The following NUP155 variants were observed in gnomAD, a reference collection of about 807,000 sequenced individuals.
The protein encoded by NUP155 is nucleoporin 155.
In NUP155, 71 loss-of-function variants were observed where a neutral mutation model predicts 180.4. The observed-to-expected ratio is 0.39, with a 90% CI of 0.33 to 0.48. The LOEUF is 0.48. Ranked by LOEUF, NUP155 falls within the 20% of genes least tolerant of loss-of-function variation. The pLI, the probability that NUP155 is intolerant of heterozygous loss-of-function variation, is 0.91. For missense variants in NUP155, 1,553 were observed against 1,648.9 expected (o/e 0.94, Z 1.01); for synonymous variants, 582 against 559.5 (o/e 1.04, Z -0.57).
intron 34 of NUP155, among the ~76,000 whole-genome samples, chr5:37,292,408 G>A (rs1193388160): frequency 1.3e-5 from 2 of 151,964 alleles, no homozygotes; most frequent in Admixed American, 6.6e-5. Flanking sequence ...AGTAGAGATG[G>A]GGTTTCACGT....
rs944738214 is a variant in NUP155 at position 37,335,397 on chromosome 5, A to G, written c.1348-1764T>C. On this transcript the variant is annotated intron_variant, in intron 12 of 34. Coordinates refer to ENST00000231498, the MANE Select transcript of NUP155 (RefSeq NM_153485.3). Reference sequence around the variant, plus strand: ...CTGTCTCAGAAAAAAAAAAAAAAAAAGTATTTTAATCTTCTAAAATACTTT... The same window carrying G: ...CTGTCTCAGAAAAAAAAAAAAAAAAGGTATTTTAATCTTCTAAAATACTTT... 3.5e-5 allele frequency among the ~76,000 whole-genome samples: 5 copies of G among 144,876 alleles called. No individual in the cohort carries two copies. In the East Asian group the frequency reaches 1.0e-3, roughly 30 times the overall value.
chr5:37,292,157 TAAGTA>T lies in NUP155; in HGVS notation c.4038-124_4038-120del, dbSNP rs1742268084. On this transcript the variant is annotated intron_variant, in intron 34 of 34. Coordinates refer to ENST00000231498, the MANE Select transcript of NUP155 (RefSeq NM_153485.3). ...CACAGGAGAGGAAAGACCATGTGATTAAGTAAATAAGAAATAAAGTAAAAAAGAAA... is the reference window on the plus strand; with the variant it reads ...CACAGGAGAGGAAAGACCATGTGATTAATAAGAAATAAAGTAAAAAAGAAA... 4.5e-6 allele frequency: 4 copies of T among 893,494 alleles called. No individual in the cohort carries two copies. The South Asian group carries it at 6.1e-5, about 14-fold the overall frequency. 55.3% of individuals were successfully genotyped at this position (893,494 alleles called of 1,614,324 possible).
intron 1 of NUP155, 136 bp downstream of exon 1, chr5:37,370,685 T>G (rs1747903304): frequency 2.5e-6 from 4 of 1,607,878 alleles, no homozygotes; most frequent in Non-Finnish European, 3.4e-6. Context: ...AGCTGCTTGC[T>G]GTTCTCCAAA....
chr5:37,342,455 G>C (rs927036272), intron 10 of NUP155, 94 bp downstream of exon 10: 2 of 781,728 alleles, frequency 2.6e-6, no homozygotes, highest in Admixed American at 4.5e-5. Flanking sequence ...GGCAGATATA[G>C]AAGGAAAAAT....
chr5:37,364,627 T>G (rs760765189), intron 1 of NUP155, among the ~76,000 whole-genome samples: 12 of 11,044 alleles, frequency 1.1e-3, no homozygotes, highest in Non-Finnish European at 4.1e-3. Flanking sequence ...AAAGGAAATG[T>G]TTATTTTATT....
At chr5:37,297,154 T>C (rs1452208859) in intron 32 of NUP155, among the ~76,000 whole-genome samples, 1 of 152,124 alleles carries the variant, frequency 6.6e-6, no homozygotes, top group African/African-American at 2.4e-5. Context: ...CCTGATTAGC[T>C]AGGACTATAG....
intron 15 of NUP155, 32 bp downstream of exon 15, chr5:37,330,006 C>A (rs760341648): frequency 1.1e-5 from 16 of 1,489,910 alleles, no homozygotes; most frequent in Admixed American, 8.6e-5. Flanking sequence ...AGTAAAAAAA[C>A]AAATAAATAA....
chr5:37,340,935 C>T (rs59833929), intron 11 of NUP155, among the ~76,000 whole-genome samples, 155 bp downstream of exon 11: 8 of 152,058 alleles, frequency 5.3e-5, no homozygotes, highest in Non-Finnish European at 7.4e-5. Flanking sequence ...CCCAATAGTC[C>T]GTTTTTCAAC....
Position 37,341,250 on chromosome 5 carries a change from T to C in NUP155, c.1094-8A>G, listed in dbSNP as rs13172306. The stretch of plus-strand genomic sequence containing the variant: ...TAAAATATAACCTAACACCTGAAGA[T>C]GGGGTAAAATTATGCATCAGTAATA... On this transcript the variant is annotated splice_region_variant and splice_polypyrimidine_tract_variant and intron_variant, in intron 10 of 34. Coordinates refer to ENST00000231498, the MANE Select transcript of NUP155 (RefSeq NM_153485.3). 334,791 of 1,610,576 alleles carry C rather than the reference T, an allele frequency of 0.21. 36,517 individuals carry two copies. The highest frequency in any genetic ancestry group is 0.3 in the East Asian group (13,281 of 44,840).
rs1056805516 is a variant in NUP155, at chr5:37,290,172, G to A, written c.*1728C>T. ...AATAAACAGAAGGTAATTATTTGTGGTAGCATAAAGAGAGAAGGGAATAGG... is the reference window on the plus strand; with the variant it reads ...AATAAACAGAAGGTAATTATTTGTGATAGCATAAAGAGAGAAGGGAATAGG... On this transcript the variant is annotated 3_prime_UTR_variant, in exon 35 of 35. Coordinates refer to ENST00000231498, the MANE Select transcript of NUP155 (RefSeq NM_153485.3). 2 of 152,054 alleles carry A rather than the reference G, an allele frequency of 1.3e-5. No individual in the cohort carries two copies. Among genetic ancestry groups the A allele is most frequent in the African/African-American group, 4.8e-5 (2 of 41,384 alleles). 9.4% of individuals were successfully genotyped at this position (152,054 alleles called of 1,614,324 possible).
chr5:37,301,913 G>A (rs1298700732), intron 29 of NUP155, among the ~76,000 whole-genome samples: 1 of 152,200 alleles, frequency 6.6e-6, no homozygotes, highest in Non-Finnish European at 1.5e-5. Context: ...TTAAGACAGT[G>A]AATGTGTTCT....
At chr5:37,351,549 C>T (rs1490442740) in intron 5 of NUP155, among the ~76,000 whole-genome samples, 193 bp from the exon 6 acceptor site, 1 of 151,850 alleles carries the variant, frequency 6.6e-6, no homozygotes, top group East Asian at 1.9e-4. Flanking sequence ...CGGGTTCATG[C>T]CATTCTCCTG....
intron 9 of NUP155, among the ~76,000 whole-genome samples, chr5:37,343,572 G>A (rs186497320): frequency 4.3e-4 from 65 of 152,182 alleles, no homozygotes; most frequent in Non-Finnish European, 7.2e-4. Context: ...TGTTCTCAGT[G>A]TCAAAGTATC....
intron 4 of NUP155, among the ~76,000 whole-genome samples, chr5:37,353,267 C>T (rs1409807080): frequency 6.6e-6 from 1 of 151,914 alleles, no homozygotes; most frequent in Non-Finnish European, 1.5e-5. Flanking sequence ...TATATATACA[C>T]ACACACACAC....
intron 3 of NUP155, among the ~76,000 whole-genome samples, chr5:37,361,723 T>C (rs1373521387): frequency 3.3e-5 from 5 of 152,206 alleles, no homozygotes; most frequent in Non-Finnish European, 7.3e-5. Context: ...TTTTACAAAA[T>C]TGAATTTGTG....
chr5:37,367,535 C>CTTT (rs376801237), intron 1 of NUP155, among the ~76,000 whole-genome samples: 2 of 135,632 alleles, frequency 1.5e-5, no homozygotes, highest in Non-Finnish European at 3.2e-5. Context: ...TTTCTTTTTC[C>CTTT]TTTTTTTTTT....
At chr5:37,367,573 C>G (rs1296510805) in intron 1 of NUP155, among the ~76,000 whole-genome samples, 1 of 151,344 alleles carries the variant, frequency 6.6e-6, no homozygotes, top group Non-Finnish European at 1.5e-5. Flanking sequence ...CACTCTGTCG[C>G]CCAGGCTGGA....
chr5:37,332,050 ATCTAT>A (rs1164896026), intron 13 of NUP155, among the ~76,000 whole-genome samples: 2 of 151,930 alleles, frequency 1.3e-5, no homozygotes, highest in Non-Finnish European at 2.9e-5. Flanking sequence ...CCTCCAGTAG[ATCTAT>A]ATATCTATAA....
Position 37,304,751 on chromosome 5 carries a change from A to G in NUP155, c.3150T>C (p.Asp1050=). 1 of 1,608,058 alleles carries G rather than the reference A, an allele frequency of 6.2e-7. No homozygotes were observed. The highest frequency in any genetic ancestry group is 8.5e-7 in the Non-Finnish European group (1 of 1,174,600). The change falls in exon 27 of 35, where the codon GAT becomes GAC. Residue 1050 remains aspartate (D), a synonymous_variant. Transcript: ENST00000231498. ...AAAAAAGATTTACCTGTAGCAGCTTATCTGCAAGGTCGACTTGTATTAGCC... is the reference window on the plus strand; with the variant it reads ...AAAAAAGATTTACCTGTAGCAGCTTGTCTGCAAGGTCGACTTGTATTAGCC... ...YNWLIQVDLA[D]KLLQVASPFL...
Sources: gnomAD v4.1 joint callset for allele counts (sites outside exome capture counted in the v4.1 genomes callset) on GRCh38, gnomAD v4.1.1 for gene constraint, MANE v1.5 for transcripts, NCBI Gene and HGNC (gene_info 2026-07-23, HGNC 2026-07-21) for gene names.